The following ATG16L1 variants were observed in gnomAD, a reference collection of about 807,000 sequenced individuals.
ATG16L1 encodes the protein autophagy-related protein 16-1.
In ATG16L1, 37 loss-of-function variants were observed where a neutral mutation model predicts 88.5. The ratio of observed to expected loss-of-function variants is 0.42; its 90% CI spans 0.32 to 0.55. ATG16L1 has a LOEUF of 0.55. Ranked by LOEUF, ATG16L1 falls within the 20% of genes least tolerant of loss-of-function variation. The pLI is 0.13. For synonymous variants in ATG16L1, 301 were observed against 281.0 expected (o/e 1.07, Z -0.71); for missense variants, 554 against 752.8 (o/e 0.74, Z 3.09).
chr2:233,294,094 A>G (rs927134402), intron 17 of ATG16L1, among the ~76,000 whole-genome samples, 163 bp from the exon 18 acceptor site: 1 of 152,246 alleles, frequency 6.6e-6, no homozygotes. Flanking sequence ...GGTCTTTTGC[A>G]TGTTAGTGAG....
intron 5 of ATG16L1, among the ~76,000 whole-genome samples, chr2:233,268,242 G>A (rs920884539): frequency 6.6e-6 from 1 of 152,154 alleles, no homozygotes; most frequent in African/African-American, 2.4e-5. Context: ...GATCACCTGA[G>A]GTCAGGAGTT....
At chr2:233,271,030 C>T (rs1010327832) in intron 6 of ATG16L1, among the ~76,000 whole-genome samples, 4 of 152,120 alleles carry the variant, frequency 2.6e-5, no homozygotes, top group East Asian at 1.9e-4. Context: ...ATGTAGGGTA[C>T]GTGTGTGTCT....
chr2:233,253,744 T>C (rs185762498), intron 1 of ATG16L1, among the ~76,000 whole-genome samples: 11 of 152,332 alleles, frequency 7.2e-5, no homozygotes, highest in Non-Finnish European at 1.6e-4. Context: ...CTGCACCCAT[T>C]GTTTTAACAA....
intron 2 of ATG16L1, among the ~76,000 whole-genome samples, chr2:233,259,754 T>G (rs1697072084): frequency 6.6e-6 from 1 of 152,230 alleles, no homozygotes; most frequent in African/African-American, 2.4e-5. Context: ...TCCCTCTAGA[T>G]CTTCCCATCT....
In ATG16L1 at chr2:233,265,488, G is replaced by C. The variant is rs139602512; in HGVS notation, c.641+345G>C. Among the ~76,000 whole-genome samples the C allele has an allele frequency of 2.7e-3, 416 of 152,194 alleles. 2 individuals are homozygous for C. The highest frequency in any genetic ancestry group is 9.2e-3 in the African/African-American group (383 of 41,534). On this transcript the variant is annotated intron_variant, in intron 5 of 17. Transcript: ENST00000392017. Reference sequence around the variant, plus strand: ...ATTGATAGATTTTTATTTATTTTTTGAGACAGAGTCTCGCTCTGTTGCCCA... The same window carrying C: ...ATTGATAGATTTTTATTTATTTTTTCAGACAGAGTCTCGCTCTGTTGCCCA...
At chr2:233,293,591 AG>A (rs1699613758) in intron 17 of ATG16L1, among the ~76,000 whole-genome samples, 1 of 147,218 alleles carries the variant, frequency 6.8e-6, no homozygotes, top group Non-Finnish European at 1.5e-5. Flanking sequence ...CGCTGGAGAA[AG>A]GGTTATAGAA....
chr2:233,251,982 G>A lies in ATG16L1; in HGVS notation c.115+40G>A, dbSNP rs1370366637. 4 of 1,473,264 alleles carry A rather than the reference G, an allele frequency of 2.7e-6. No individual in the cohort carries two copies. The African/African-American group carries it at 5.9e-5, about 22-fold the overall frequency. 91.3% of individuals were successfully genotyped at this position (1,473,264 alleles called of 1,614,324 possible). On this transcript the variant is annotated intron_variant, in intron 1 of 17. Transcript: ENST00000392017. ...TGCGGGCTGGGAGTGGGGCGGGCGGGCCCCGCGGAGGCATGCGGGGCGTCA... is the reference window on the plus strand; with the variant it reads ...TGCGGGCTGGGAGTGGGGCGGGCGGACCCCGCGGAGGCATGCGGGGCGTCA...
chr2:233,270,615 G>T (rs1044590856), intron 6 of ATG16L1, among the ~76,000 whole-genome samples: 1 of 152,162 alleles, frequency 6.6e-6, no homozygotes, highest in Non-Finnish European at 1.5e-5. Context: ...CATGTAATGC[G>T]GTGGGGTTTT....
intron 16 of ATG16L1, among the ~76,000 whole-genome samples, chr2:233,293,004 T>A (rs1233324789): frequency 6.6e-6 from 1 of 152,162 alleles, no homozygotes; most frequent in African/African-American, 2.4e-5. Flanking sequence ...TTTGTTGAAG[T>A]CTGTAGATGG....
chr2:233,286,992 C>T (rs1206769938), intron 12 of ATG16L1, among the ~76,000 whole-genome samples: 1 of 152,120 alleles, frequency 6.6e-6, no homozygotes, highest in African/African-American at 2.4e-5. Flanking sequence ...ACGTCCCTTT[C>T]CCTTATTCCA....
chr2:233,283,879 C>G (rs529433820), intron 12 of ATG16L1, among the ~76,000 whole-genome samples: 3 of 150,328 alleles, frequency 2.0e-5, no homozygotes, highest in South Asian at 2.1e-4. Flanking sequence ...GAGTCTTGCT[C>G]TGTCATCCAG....
intron 12 of ATG16L1, among the ~76,000 whole-genome samples, chr2:233,283,653 C>T (rs1398572931): frequency 6.6e-6 from 1 of 151,690 alleles, no homozygotes; most frequent in South Asian, 2.1e-4. Flanking sequence ...TGGGTTCAAG[C>T]AATTCTCCTG....
rs1410569974 is a variant in ATG16L1 at position 233,290,398 on chromosome 2, C to T, written c.1430+45C>T. 3.5e-6 allele frequency: 5 copies of T among 1,430,810 alleles called. No individual in the cohort carries two copies. In the African/African-American group the frequency reaches 7.0e-5, roughly 20 times the overall value. 88.6% of individuals were successfully genotyped at this position (1,430,810 alleles called of 1,614,324 possible). A position where few individuals can be genotyped will look rare whatever the true frequency, so the allele number is the denominator to read the frequency against. ...GACTGGAGGCACATAAGAGTCTCCA[C>T]AGTAATGGTTCTGTACATGGGTTGT... On this transcript the variant is annotated intron_variant, in intron 14 of 17. Transcript: ENST00000392017.
chr2:233,253,814 C>T (rs1228683686), intron 1 of ATG16L1, among the ~76,000 whole-genome samples: 1 of 152,206 alleles, frequency 6.6e-6, no homozygotes, highest in Non-Finnish European at 1.5e-5. Flanking sequence ...AGTGCTGTTT[C>T]AGAAAGCCAG....
At chr2:233,281,897 G>A (rs1014808458) in intron 11 of ATG16L1, among the ~76,000 whole-genome samples, 1 of 152,170 alleles carries the variant, frequency 6.6e-6, no homozygotes, top group African/African-American at 2.4e-5. Flanking sequence ...CACGGTGGTG[G>A]TCTATATCTG....
chr2:233,265,582 G>T (rs1449759186), intron 5 of ATG16L1, among the ~76,000 whole-genome samples: 2 of 152,156 alleles, frequency 1.3e-5, no homozygotes, highest in African/African-American at 4.8e-5. Flanking sequence ...TGATTCTCCT[G>T]CCTCAGCCTC....
chr2:233,287,746 C>T (rs1699180464), intron 12 of ATG16L1, among the ~76,000 whole-genome samples: 1 of 152,170 alleles, frequency 6.6e-6, no homozygotes, highest in South Asian at 2.1e-4. Context: ...GATGTGGTGG[C>T]ACACGCCTAT....
rs747005960 is a variant in ATG16L1, at chr2:233,277,585, A to T, written c.972A>T (p.Glu324Asp). The change falls in exon 10 of 18, where the codon GAA (glutamate) becomes GAT (aspartate). Residue 324 changes from glutamate to aspartate, a missense_variant. Coordinates refer to ENST00000392017, the MANE Select transcript of ATG16L1 (RefSeq NM_030803.7). ...TCTTGCAGGATGCACATGATGGGGA[A>T]GTCAACGCTGTGCAGTTCAGTCCAG... ...ALCVFDAHDG[E>D]VNAVQFSPGS... 4.3e-6 allele frequency: 7 copies of T among 1,614,028 alleles called. No individual in the cohort carries two copies. Among genetic ancestry groups the T allele is most frequent in the Non-Finnish European group, 5.9e-6 (7 of 1,179,904 alleles).
chr2:233,270,072 G>A lies in ATG16L1; in HGVS notation c.707+5G>A. The A allele has an allele frequency of 6.3e-7, 1 of 1,575,252 alleles. No homozygotes were observed. Among genetic ancestry groups the A allele is most frequent in the South Asian group, 1.2e-5 (1 of 83,066 alleles). ...GGAACCTCTACCAGTCGAACAGTAA[G>A]TAAAGATAAATGAATCAAAACTGTG... On this transcript the variant is annotated splice_donor_5th_base_variant and intron_variant, in intron 6 of 17. Transcript: ENST00000392017.
Sources: allele counts gnomAD v4.1 joint callset (sites outside exome capture counted in the v4.1 genomes callset), GRCh38; gene constraint gnomAD v4.1.1; transcripts MANE v1.5; gene names NCBI Gene and HGNC (gene_info 2026-07-23, HGNC 2026-07-21).